Variants in SERPINI2 observed in about 807,000 individuals in gnomAD.
SERPINI2 encodes the protein serpin family I member 2, also known as serpin I2.
SERPINI2 carries 48 observed loss-of-function variants against 47.3 expected under a neutral mutation model. The ratio of observed to expected loss-of-function variants is 1.02; its 90% CI spans 0.81 to 1.29. SERPINI2 has a LOEUF of 1.29. Ranked by LOEUF, SERPINI2 falls within the 50% of genes most tolerant of loss-of-function variation. The pLI, the probability that SERPINI2 is intolerant of heterozygous loss-of-function variation, is 0.00. For synonymous variants in SERPINI2, 135 were observed against 149.3 expected (o/e 0.90, Z 0.70); for missense variants, 448 against 456.9 (o/e 0.98, Z 0.18).
At position 167,471,852 on chromosome 3, in the gene SERPINI2, G is replaced by T. The variant is rs766757526; in HGVS notation, c.-10-8C>A. On this transcript the variant is annotated splice_polypyrimidine_tract_variant and splice_region_variant and intron_variant, in intron 1 of 8. Coordinates refer to ENST00000264677, the Ensembl canonical transcript of SERPINI2. The stretch of plus-strand genomic sequence containing the variant: ...GTGTCCATTTTGACTTCTCTGTATT[G>T]TTTAAATCAAAATATATTCATTTTC... The T allele has an allele frequency of 1.3e-6, 2 of 1,588,320 alleles. No homozygotes were observed. Among genetic ancestry groups the T allele is most frequent in the South Asian group, 2.2e-5 (2 of 89,488 alleles).
intron 5 of SERPINI2, among the ~76,000 whole-genome samples, chr3:167,456,954 AAC>A (rs1353601247): frequency 6.6e-6 from 1 of 152,230 alleles, no homozygotes; most frequent in Non-Finnish European, 1.5e-5. Flanking sequence ...TACTGCATTT[AAC>A]AGTATAAGAA....
At chr3:167,459,722 G>T (rs1749932493) in intron 5 of SERPINI2, among the ~76,000 whole-genome samples, 1 of 148,032 alleles carries the variant, frequency 6.8e-6, no homozygotes. Flanking sequence ...TGCTACCAAA[G>T]AGATATTTTA....
intron 6 of SERPINI2, among the ~76,000 whole-genome samples, chr3:167,449,990 A>G (rs1337339949): frequency 2.0e-5 from 3 of 152,204 alleles, no homozygotes; most frequent in Non-Finnish European, 4.4e-5. Flanking sequence ...ACTAAGTGAA[A>G]TATTTGAAGG....
chr3:167,474,948 G>T (rs1472548300), upstream of SERPINI2, among the ~76,000 whole-genome samples: 3 of 151,584 alleles, frequency 2.0e-5, no homozygotes, highest in Non-Finnish European at 3.0e-5. Context: ...TCATGTAAAA[G>T]AAATAAAGTG....
intron 5 of SERPINI2, among the ~76,000 whole-genome samples, chr3:167,457,043 A>C (rs771397512): frequency 6.6e-6 from 1 of 152,200 alleles, no homozygotes; most frequent in Non-Finnish European, 1.5e-5. Flanking sequence ...TATTATTTTC[A>C]GTAATCTGGT....
chr3:167,453,010 T>C (rs1440147368), exon 6 of SERPINI2: 4 of 1,596,904 alleles, frequency 2.5e-6, no homozygotes, highest in Non-Finnish European at 3.4e-6. Flanking sequence ...GTCTTTGAAG[T>C]CTACTTTTTG....
chr3:167,464,154 C>T (rs1449097328), intron 5 of SERPINI2, among the ~76,000 whole-genome samples: 1 of 151,860 alleles, frequency 6.6e-6, no homozygotes. Flanking sequence ...GCTGGGATTA[C>T]AGGCACCTGC....
At chr3:167,468,427 C>T (rs1346135307) in intron 2 of SERPINI2, among the ~76,000 whole-genome samples, 1 of 151,936 alleles carries the variant, frequency 6.6e-6, no homozygotes, top group Non-Finnish European at 1.5e-5. Context: ...GGGGGCTGGG[C>T]AGCTCCATGG....
intron 5 of SERPINI2, among the ~76,000 whole-genome samples, chr3:167,463,569 G>A (rs2108167046): frequency 6.6e-6 from 1 of 152,180 alleles, no homozygotes; most frequent in Middle Eastern, 3.4e-3. Flanking sequence ...GGGACTAAAG[G>A]AAGAAAGCTT....
intron 5 of SERPINI2, among the ~76,000 whole-genome samples, chr3:167,463,510 C>G (rs986168298): frequency 2.0e-5 from 3 of 151,872 alleles, no homozygotes; most frequent in African/African-American, 4.8e-5. Flanking sequence ...AGTCAAGGAG[C>G]AGGAAAAATT....
intron 5 of SERPINI2, among the ~76,000 whole-genome samples, chr3:167,457,558 T>C (rs1390606105): frequency 6.6e-6 from 1 of 152,254 alleles, no homozygotes; most frequent in African/African-American, 2.4e-5. Context: ...GTTTTTTAAC[T>C]GATCTTTTAG....
chr3:167,457,360 C>T (rs568258803), intron 5 of SERPINI2, among the ~76,000 whole-genome samples: 7 of 152,188 alleles, frequency 4.6e-5, no homozygotes, highest in Non-Finnish European at 1.0e-4. Flanking sequence ...AGGACTACTA[C>T]AAAACAGCAA....
At chr3:167,476,020 G>A (rs952390350), upstream of SERPINI2, among the ~76,000 whole-genome samples, 1 of 151,568 alleles carries the variant, frequency 6.6e-6, no homozygotes, top group Non-Finnish European at 1.5e-5. Flanking sequence ...TGGTAAGATT[G>A]TTCCTAAATT....
intron 5 of SERPINI2, among the ~76,000 whole-genome samples, chr3:167,456,108 T>C (rs377634848): frequency 3.3e-5 from 5 of 151,750 alleles, no homozygotes; most frequent in African/African-American, 1.2e-4. Context: ...GATGGTTATG[T>C]GAGTACACAG....
At chr3:167,446,539 G>T in intron 7 of SERPINI2, 58 bp from the exon 8 acceptor site, 1 of 1,111,784 alleles carries the variant, frequency 9.0e-7, no homozygotes, top group Non-Finnish European at 1.3e-6. Flanking sequence ...AGTAAAGAAA[G>T]TATATTCATA....
intron 5 of SERPINI2, among the ~76,000 whole-genome samples, chr3:167,457,933 G>A (rs1749849002): frequency 6.6e-6 from 1 of 152,152 alleles, no homozygotes; most frequent in South Asian, 2.1e-4. Context: ...AGGGGTGGGG[G>A]ATAAATGAGG....
chr3:167,445,515 T>C (rs936940796), intron 8 of SERPINI2, among the ~76,000 whole-genome samples: 2 of 152,224 alleles, frequency 1.3e-5, no homozygotes, highest in Non-Finnish European at 2.9e-5. Flanking sequence ...TTCACAACTG[T>C]TAGTGAATTC....
At chr3:167,474,687 A>C (rs1302059645), upstream of SERPINI2, among the ~76,000 whole-genome samples, 2 of 151,780 alleles carry the variant, frequency 1.3e-5, no homozygotes, top group East Asian at 3.8e-4. Flanking sequence ...TTGGATGATA[A>C]AAATTGCTGT....
In SERPINI2 at chr3:167,443,308, C is replaced by T. The variant is rs560412870; in HGVS notation, c.1142-1123G>A. Among the ~76,000 whole-genome samples the T allele has an allele frequency of 8.8e-4, 134 of 152,180 alleles. 1 individual carries two copies. The highest frequency in any genetic ancestry group is 1.5e-3 in the Non-Finnish European group (105 of 68,002). ...ATTTTTAGTAGAGACAGGGCTTCAC[C>T]GTATTAGCTGGGATGGTCTCGATCT... is the stretch of plus-strand genomic sequence containing the variant. On this transcript the variant is annotated intron_variant, in intron 8 of 8. Transcript: ENST00000264677.
Sources: gnomAD v4.1 joint callset for allele counts (sites outside exome capture counted in the v4.1 genomes callset) on GRCh38, gnomAD v4.1.1 for gene constraint, MANE v1.5 for transcripts, NCBI Gene and HGNC (gene_info 2026-07-23, HGNC 2026-07-21) for gene names.